The following MYLK variants were observed in gnomAD, a reference collection of about 807,000 sequenced individuals.
MYLK encodes myosin light chain kinase, also known as myosin light chain kinase, smooth muscle.
MYLK carries 106 observed loss-of-function variants against 203.4 expected under a neutral mutation model. The observed-to-expected ratio is 0.52, with a 90% CI of 0.45 to 0.61. MYLK has a LOEUF of 0.61. MYLK is among the 20% of genes least tolerant of loss of function. The probability of loss-of-function intolerance (pLI) is 0.00; values close to 1 mark genes in which losing one functional copy is unlikely to be tolerated. For synonymous variants in MYLK, 867 were observed against 959.5 expected (o/e 0.90, Z 1.78); for missense variants, 2,072 against 2,442.3 (o/e 0.85, Z 3.20).
At chr3:123,695,603 A>T (rs1258561348) in intron 18 of MYLK, among the ~76,000 whole-genome samples, 1 of 152,236 alleles carries the variant, frequency 6.6e-6, no homozygotes, top group Non-Finnish European at 1.5e-5. Context: ...TGCACACAAC[A>T]AAGGGCATTA....
intron 27 of MYLK, chr3:123,647,020 T>C: frequency 3.3e-6 from 2 of 605,396 alleles, no homozygotes; most frequent in East Asian, 2.8e-5. Context: ...GGGCTGGTGC[T>C]CAGAGGCTCA....
chr3:123,862,110 T>A (rs2031981519), intron 2 of MYLK, among the ~76,000 whole-genome samples: 1 of 152,240 alleles, frequency 6.6e-6, no homozygotes, highest in Non-Finnish European at 1.5e-5. Flanking sequence ...TGGCTCAGCG[T>A]CACCAGTCTG....
At chr3:123,804,583 C>T (rs1197787369) in intron 3 of MYLK, among the ~76,000 whole-genome samples, 1 of 152,134 alleles carries the variant, frequency 6.6e-6, no homozygotes, top group Admixed American at 6.5e-5. Context: ...TCTAAAATGG[C>T]CTGAAATACA....
chr3:123,726,989 T>G (rs555296054), intron 11 of MYLK, among the ~76,000 whole-genome samples: 1 of 152,136 alleles, frequency 6.6e-6, no homozygotes, highest in Non-Finnish European at 1.5e-5. Flanking sequence ...ACTGCAGGGG[T>G]TTATGGGCAA....
chr3:123,752,982 G>T (rs1040499632), intron 4 of MYLK, among the ~76,000 whole-genome samples: 5 of 152,232 alleles, frequency 3.3e-5, no homozygotes, highest in Admixed American at 6.5e-5. Flanking sequence ...CTACAGGTCC[G>T]GGCTGGGGCC....
intron 4 of MYLK, among the ~76,000 whole-genome samples, chr3:123,783,388 C>G (rs146545225): frequency 1.7e-3 from 263 of 152,218 alleles, no homozygotes; most frequent in African/African-American, 5.9e-3. Flanking sequence ...TGCATAAATA[C>G]TTTTAAGGTA....
At chr3:123,769,041 G>T (rs923219383) in intron 4 of MYLK, among the ~76,000 whole-genome samples, 3 of 152,172 alleles carry the variant, frequency 2.0e-5, no homozygotes, top group African/African-American at 7.2e-5. Context: ...AAAAACGAGT[G>T]CATGTTGATC....
In MYLK at chr3:123,638,994, G is replaced by T. The variant is rs55707261; in HGVS notation, c.4838-800C>A. The T allele has an allele frequency of 1.5e-3, 1,484 of 985,428 alleles. 20 individuals are homozygous for T. In the African/African-American group the frequency reaches 0.024, roughly 16 times the overall value. The allele number at this position is 985,428 out of a possible 1,614,324, so 61.0% of individuals were successfully genotyped here. A position where few individuals can be genotyped will look rare whatever the true frequency, so the allele number is the denominator to read the frequency against. On this transcript the variant is annotated intron_variant, in intron 28 of 33. Transcript: ENST00000360304. Reference sequence around the variant, plus strand: ...ATGTGAAAGCTCTGCTCCAATTCCTGCCTCTCAGCCCTTTCTGCTACATTT... The same window carrying T: ...ATGTGAAAGCTCTGCTCCAATTCCTTCCTCTCAGCCCTTTCTGCTACATTT...
chr3:123,816,050 T>C (rs1190929781), intron 3 of MYLK, among the ~76,000 whole-genome samples: 1 of 152,250 alleles, frequency 6.6e-6, no homozygotes, highest in Non-Finnish European at 1.5e-5. Flanking sequence ...TCTTTGGATC[T>C]GCACACAGTA....
chr3:123,799,386 T>C (rs1477368667), intron 3 of MYLK, among the ~76,000 whole-genome samples: 1 of 152,120 alleles, frequency 6.6e-6, no homozygotes, highest in Non-Finnish European at 1.5e-5. Context: ...ATAAGGCAAA[T>C]GACTCAGAAA....
At chr3:123,875,631 G>T (rs906067185) in intron 2 of MYLK, among the ~76,000 whole-genome samples, 2 of 152,116 alleles carry the variant, frequency 1.3e-5, no homozygotes, top group African/African-American at 4.8e-5. Context: ...CATTAAAACA[G>T]GTGAATTTTA....
intron 4 of MYLK, among the ~76,000 whole-genome samples, chr3:123,754,425 C>A (rs1012393135): frequency 1.3e-5 from 2 of 152,206 alleles, no homozygotes; most frequent in Admixed American, 1.3e-4. Context: ...AAAAATATAT[C>A]CCTTTCCTAT....
rs1265373140 is a variant in MYLK at position 123,614,195 on chromosome 3, G to C, written c.5655C>G (p.Val1885=). 6.2e-7 allele frequency: 1 copy of C among 1,613,994 alleles called. No individual in the cohort carries two copies. The highest frequency in any genetic ancestry group is 8.5e-7 in the Non-Finnish European group (1 of 1,180,004). ...TGCAGGTGGCTTCTCCAAGACTGTT[G>C]ACAGCCTTGCAGGTGTACTTGGCAT... ...DDDAKYTCKA[V]NSLGEATCTA... Residue 1885 remains valine, a synonymous_variant, in exon 34 of 34, where the codon GTC becomes GTG. Coordinates refer to ENST00000360304, the MANE Select transcript of MYLK (RefSeq NM_053025.4).
chr3:123,839,607 T>G (rs535361782), intron 2 of MYLK, among the ~76,000 whole-genome samples: 1 of 152,176 alleles, frequency 6.6e-6, no homozygotes, highest in Non-Finnish European at 1.5e-5. Flanking sequence ...TCCGCAATTG[T>G]AGTTAGAGAT....
chr3:123,825,669 G>A (rs932228341), intron 3 of MYLK, among the ~76,000 whole-genome samples: 2 of 152,160 alleles, frequency 1.3e-5, no homozygotes, highest in African/African-American at 4.8e-5. Context: ...TCCTGCTCTG[G>A]GGGCCAGTAA....
intron 20 of MYLK, among the ~76,000 whole-genome samples, chr3:123,676,890 A>G (rs541854228): frequency 1.6e-4 from 24 of 152,352 alleles, no homozygotes; most frequent in Admixed American, 1.2e-3. Flanking sequence ...ATCAGCTTAT[A>G]TAGACTGCTA....
rs113179479 is a variant in MYLK, at chr3:123,810,933, A to G, written c.-3-17089T>C. Among the ~76,000 whole-genome samples, 888 of 152,350 alleles carry G rather than the reference A, an allele frequency of 5.8e-3. 14 individuals are homozygous for G. The highest frequency in any genetic ancestry group is 0.021 in the African/African-American group (854 of 41,582). On this transcript the variant is annotated intron_variant, in intron 3 of 33. Coordinates refer to ENST00000360304, the MANE Select transcript of MYLK (RefSeq NM_053025.4). Reference sequence around the variant, plus strand: ...TCTCCCTTAACAGTCTCATTTTTCTAGCAATCATGGCTACCTTTTTCTCCT... The same window carrying G: ...TCTCCCTTAACAGTCTCATTTTTCTGGCAATCATGGCTACCTTTTTCTCCT...
chr3:123,814,783 CCTTT>C (rs200513485), intron 3 of MYLK, among the ~76,000 whole-genome samples: 32 of 151,840 alleles, frequency 2.1e-4, no homozygotes, highest in South Asian at 1.9e-3. Context: ...ATAAACTGAT[CCTTT>C]CTTTCTTTCT....
chr3:123,750,761 G>A (rs2063168034), intron 5 of MYLK, among the ~76,000 whole-genome samples: 2 of 152,150 alleles, frequency 1.3e-5, no homozygotes, highest in South Asian at 4.1e-4. Flanking sequence ...ATTGAAAGGG[G>A]GTTCATGTAG....
Sources: gnomAD v4.1 joint callset for allele counts (sites outside exome capture counted in the v4.1 genomes callset) on GRCh38, gnomAD v4.1.1 for gene constraint, MANE v1.5 for transcripts, NCBI Gene and HGNC (gene_info 2026-07-23, HGNC 2026-07-21) for gene names.